The following TRMT11 variants were observed in gnomAD, a reference collection of about 807,000 sequenced individuals.
TRMT11 encodes the protein tRNA (guanine(10)-N(2))-methyltransferase TRMT11.
TRMT11 carries 53 observed loss-of-function variants against 62.8 expected under a neutral mutation model. The ratio of observed to expected loss-of-function variants is 0.84; its 90% CI spans 0.68 to 1.06. The LOEUF (loss-of-function observed/expected upper bound fraction) is 1.06, where lower values mean the gene tolerates loss of function less well. TRMT11 is among the 50% of genes least tolerant of loss of function. TRMT11 has a pLI of 0.00. For synonymous variants in TRMT11, 188 were observed against 190.3 expected (o/e 0.99, Z 0.10); for missense variants, 556 against 553.4 (o/e 1.00, Z -0.05).
chr6:125,989,620 G>C (rs1164354013), intron 1 of TRMT11, among the ~76,000 whole-genome samples: 7 of 152,204 alleles, frequency 4.6e-5, no homozygotes, highest in African/African-American at 1.7e-4. Context: ...GGAGTGGTTA[G>C]ACTGTGGTCT....
chr6:126,191,467 T>G (rs75314352), intron 1 of TRMT11, among the ~76,000 whole-genome samples: 2,115 of 139,472 alleles, frequency 0.015, 37 homozygotes, highest in African/African-American at 0.06. Context: ...TACTTGTCTT[T>G]TTTTTTTTTT....
intron 3 of TRMT11, among the ~76,000 whole-genome samples, chr6:126,200,529 C>T (rs1166871406): frequency 6.6e-6 from 1 of 152,138 alleles, no homozygotes; most frequent in Non-Finnish European, 1.5e-5. Flanking sequence ...GTTTAAATCT[C>T]CATCCTAGTC....
intron 1 of TRMT11, among the ~76,000 whole-genome samples, chr6:126,194,747 C>A (rs931200350): frequency 2.0e-5 from 3 of 152,134 alleles, no homozygotes; most frequent in African/African-American, 7.2e-5. Flanking sequence ...ACCAAGTCTT[C>A]AAAACTTTAG....
At chr6:126,228,899 A>G in the TRMT11 span, among the ~76,000 whole-genome samples, 3 of 152,214 alleles carry the variant, frequency 2.0e-5, no homozygotes, top group African/African-American at 7.2e-5. Context: ...GTTTCGCTCT[A>G]AGATGCAGTG....
upstream of TRMT11, among the ~76,000 whole-genome samples, chr6:126,174,367 A>G (rs1022693553): frequency 6.6e-6 from 1 of 152,246 alleles, no homozygotes; most frequent in Non-Finnish European, 1.5e-5. Context: ...CAGACATTTC[A>G]GGGTATGAAT....
chr6:126,179,920 T>C (rs1778436206), intron 1 of TRMT11, among the ~76,000 whole-genome samples: 1 of 152,210 alleles, frequency 6.6e-6, no homozygotes, highest in Admixed American at 6.5e-5. Context: ...AATTCATGCT[T>C]ATTGAATTTT....
chr6:126,031,874 G>A (rs1420049964), intron 12 of TRMT11, among the ~76,000 whole-genome samples: 1 of 152,158 alleles, frequency 6.6e-6, no homozygotes, highest in African/African-American at 2.4e-5. Context: ...AGTTAGCTGT[G>A]ATACTACTGA....
At position 125,999,751 on chromosome 6, in the gene TRMT11, T is replaced by C. The variant is rs139250255; in HGVS notation, c.679+138T>C. The C allele has an allele frequency of 4.2e-3, 2,827 of 668,806 alleles. 74 individuals carry two copies. In the East Asian group the frequency reaches 0.052, roughly 12 times the overall value. The allele number at this position is 668,806 out of a possible 1,614,324, so 41.4% of individuals were successfully genotyped here. ...GGATAGTGGCCAACAGACAACCACA[T>C]ACTTGTGTAATAGCTAGTATTTAAC... On this transcript the variant is annotated intron_variant, in intron 7 of 12. Coordinates refer to ENST00000334379, the MANE Select transcript of TRMT11 (RefSeq NM_001031712.3).
chr6:126,021,780 C>T (rs1324161298), intron 12 of TRMT11, among the ~76,000 whole-genome samples: 1 of 152,188 alleles, frequency 6.6e-6, no homozygotes, highest in Admixed American at 6.5e-5. Flanking sequence ...TCATTACATT[C>T]TTATAAAATT....
At chr6:126,133,724 T>C (rs543256826) in intron 21 of TRMT11, among the ~76,000 whole-genome samples, 1 of 152,114 alleles carries the variant, frequency 6.6e-6, no homozygotes, top group East Asian at 1.9e-4. Flanking sequence ...ATGCTTTAGA[T>C]AGGGTATATA....
chr6:126,251,351 T>C, the TRMT11 span, among the ~76,000 whole-genome samples: 2 of 152,122 alleles, frequency 1.3e-5, no homozygotes, highest in African/African-American at 4.8e-5. Flanking sequence ...TTTTTAAAAA[T>C]TGACATAAAA....
the TRMT11 span, among the ~76,000 whole-genome samples, chr6:126,268,039 T>C: frequency 6.6e-6 from 1 of 152,228 alleles, no homozygotes; most frequent in East Asian, 1.9e-4. Context: ...TTGTTGATTT[T>C]ATAAAGCAGT....
intron 21 of TRMT11, among the ~76,000 whole-genome samples, chr6:126,159,983 T>A (rs1161088459): frequency 6.6e-6 from 1 of 152,226 alleles, no homozygotes; most frequent in African/African-American, 2.4e-5. Context: ...AATACAATTT[T>A]ACAGCAGGAC....
At chr6:126,186,264 T>C (rs186791228) in intron 1 of TRMT11, among the ~76,000 whole-genome samples, 2 of 152,288 alleles carry the variant, frequency 1.3e-5, no homozygotes, top group Admixed American at 1.3e-4. Flanking sequence ...GTCAGATGTA[T>C]CTTGGGCACA....
At chr6:126,004,109 T>A (rs1356828436) in intron 7 of TRMT11, among the ~76,000 whole-genome samples, 1 of 152,116 alleles carries the variant, frequency 6.6e-6, no homozygotes, top group Non-Finnish European at 1.5e-5. Flanking sequence ...CTTTTAGATA[T>A]ATACATGTAG....
the TRMT11 span, among the ~76,000 whole-genome samples, chr6:126,215,623 C>T: frequency 6.6e-6 from 1 of 151,846 alleles, no homozygotes; most frequent in East Asian, 1.9e-4. Flanking sequence ...TAGCTGATTC[C>T]TGGTTTTTTA....
rs1216132754 is a variant in TRMT11, at chr6:126,097,173, G to A, written c.*1438-15693G>A. Reference sequence around the variant, plus strand: ...AATAGAGGAGTTTTCTGATAGTATTGTTAGGAGAGAAGTTTGTGAACTTAG... The same window carrying A: ...AATAGAGGAGTTTTCTGATAGTATTATTAGGAGAGAAGTTTGTGAACTTAG... On this transcript the variant is annotated intron_variant and NMD_transcript_variant, in intron 17 of 22. Transcript: ENST00000648977. 5.3e-5 allele frequency among the ~76,000 whole-genome samples: 8 copies of A among 152,122 alleles called. No individual in the cohort carries two copies. The East Asian group carries it at 1.5e-3, about 29-fold the overall frequency.
At chr6:126,165,270 C>T (rs1416269368) in intron 21 of TRMT11, among the ~76,000 whole-genome samples, 5 of 133,274 alleles carry the variant, frequency 3.8e-5, no homozygotes, top group South Asian at 4.8e-4. Context: ...AGAGTGAGAC[C>T]GTGCCTCAAA....
chr6:126,033,121 A>G (rs981397757), intron 12 of TRMT11, among the ~76,000 whole-genome samples: 3 of 152,194 alleles, frequency 2.0e-5, no homozygotes, highest in African/African-American at 7.2e-5. Context: ...AAAAGAGAAT[A>G]GCAAATACTG....
Sources: allele counts gnomAD v4.1 joint callset (sites outside exome capture counted in the v4.1 genomes callset), GRCh38; gene constraint gnomAD v4.1.1; transcripts MANE v1.5; gene names NCBI Gene and HGNC (gene_info 2026-07-23, HGNC 2026-07-21).